CSMD1: variants seen among roughly 807,000 people sequenced by gnomAD.
CSMD1 encodes CUB and sushi domain-containing protein 1.
A neutral mutation model predicts 417.5 loss-of-function variants in CSMD1; 213 were observed. The ratio of observed to expected loss-of-function variants is 0.51; its 90% CI spans 0.46 to 0.57. The LOEUF is 0.57. Among genes scored for constraint, CSMD1 ranks in the 20% least tolerant of loss-of-function variants. The pLI is 0.00. For missense variants in CSMD1, 6,923 were observed against 4,529.7 expected (o/e 1.53, Z -15.17); for synonymous variants, 2,862 against 1,736.8 (o/e 1.65, Z -16.11).
chr8:4,195,295 A>G lies in CSMD1; in HGVS notation c.416-163196T>C, dbSNP rs554095070. 1.5e-4 allele frequency among the ~76,000 whole-genome samples: 23 copies of G among 152,288 alleles called. No homozygotes were observed. The South Asian group carries it at 1.7e-3, about 11-fold the overall frequency. On this transcript the variant is annotated intron_variant, in intron 3 of 69. Coordinates refer to ENST00000635120, the MANE Select transcript of CSMD1 (RefSeq NM_033225.6). ...CTTTCACCCAGGCAGTTCCACAATC[A>G]TAATATTAATAGGCAGAAAAGGCAA...
At chr8:3,735,853 T>A (rs922316494) in intron 6 of CSMD1, among the ~76,000 whole-genome samples, 2 of 152,190 alleles carry the variant, frequency 1.3e-5, no homozygotes, top group African/African-American at 2.4e-5. Flanking sequence ...ATTTCCTAAT[T>A]TATGCCTAGA....
Position 4,994,526 on chromosome 8 carries a change from C to A in CSMD1, c.-110G>T. The A allele has an allele frequency of 9.8e-7, 1 of 1,025,326 alleles. No homozygotes were observed. Among genetic ancestry groups the A allele is most frequent in the Admixed American group, 2.1e-5 (1 of 48,736 alleles). 63.5% of individuals were successfully genotyped at this position (1,025,326 alleles called of 1,614,324 possible). ...GGGCAAGGCGAGCCGGAGAGAGAGC[C>A]CGGTCCCAAGACCCGCCGCGCATCC... On this transcript the variant is annotated 5_prime_UTR_variant, in exon 1 of 70. Transcript: ENST00000635120.
chr8:4,912,800 G>C (rs192609466), intron 1 of CSMD1, among the ~76,000 whole-genome samples: 15 of 151,374 alleles, frequency 9.9e-5, no homozygotes, highest in Admixed American at 9.9e-4. Flanking sequence ...TTTTTTGGAG[G>C]GGGGGCACAG....
intron 3 of CSMD1, among the ~76,000 whole-genome samples, chr8:4,365,438 C>A (rs1048479015): frequency 2.6e-5 from 4 of 152,090 alleles, no homozygotes; most frequent in African/African-American, 9.7e-5. Flanking sequence ...AAATAAAAGA[C>A]AACATTTCTT....
At chr8:4,031,483 C>G (rs1585168016) in intron 4 of CSMD1, among the ~76,000 whole-genome samples, 1 of 152,106 alleles carries the variant, frequency 6.6e-6, no homozygotes. Context: ...ACACTTACCC[C>G]CATGATTCAA....
At chr8:4,955,803 A>T (rs192938978) in intron 1 of CSMD1, among the ~76,000 whole-genome samples, 1 of 82,012 alleles carries the variant, frequency 1.2e-5, no homozygotes, top group African/African-American at 3.5e-5. Context: ...AGTACCTTCA[A>T]ATTGGCCAAC....
chr8:4,102,697 TCTC>T (rs1294299402), intron 3 of CSMD1, among the ~76,000 whole-genome samples: 1 of 152,176 alleles, frequency 6.6e-6, no homozygotes. Context: ...CTGATAATGT[TCTC>T]CTAAAATGTA....
intron 3 of CSMD1, among the ~76,000 whole-genome samples, chr8:4,138,773 G>T (rs978959063): frequency 6.6e-6 from 1 of 152,094 alleles, no homozygotes; most frequent in Admixed American, 6.5e-5. Context: ...TTAATTATCA[G>T]AATACACTAT....
intron 12 of CSMD1, among the ~76,000 whole-genome samples, chr8:3,442,555 G>C (rs1815053128): frequency 6.6e-6 from 1 of 152,178 alleles, no homozygotes; most frequent in Non-Finnish European, 1.5e-5. Flanking sequence ...TGCTGTACAG[G>C]TTTGGAGCCT....
At chr8:4,754,967 T>C (rs1811576692) in intron 1 of CSMD1, among the ~76,000 whole-genome samples, 3 of 151,988 alleles carry the variant, frequency 2.0e-5, no homozygotes, top group Admixed American at 6.6e-5. Context: ...TGAAACCCTG[T>C]CTCTACTAAA....
chr8:3,239,741 T>C (rs1181366359), intron 26 of CSMD1, among the ~76,000 whole-genome samples: 1 of 152,176 alleles, frequency 6.6e-6, no homozygotes, highest in African/African-American at 2.4e-5. Context: ...CGATTAGGCC[T>C]GGTGGAACTG....
At chr8:4,970,053 A>G (rs1285368540) in intron 1 of CSMD1, among the ~76,000 whole-genome samples, 3 of 152,206 alleles carry the variant, frequency 2.0e-5, no homozygotes, top group African/African-American at 4.8e-5. Flanking sequence ...GTCCAATAAT[A>G]GCACACAGAA....
At chr8:2,970,154 C>G (rs751471215) in intron 57 of CSMD1, among the ~76,000 whole-genome samples, 6 of 152,092 alleles carry the variant, frequency 3.9e-5, no homozygotes, top group Non-Finnish European at 7.4e-5. Flanking sequence ...CGCAATTAAG[C>G]TCTCATTCAA....
chr8:3,349,334 G>C lies in CSMD1; in HGVS notation c.3305-1173C>G, dbSNP rs139790961. On this transcript the variant is annotated intron_variant, in intron 21 of 69. Coordinates refer to ENST00000635120, the MANE Select transcript of CSMD1 (RefSeq NM_033225.6). ...CACAATCAGCTACATCACTGGCCAT[G>C]ATATCCTAATCCACTTGCCAGCAGG... 5.9e-3 allele frequency among the ~76,000 whole-genome samples: 900 copies of C among 152,306 alleles called. 7 individuals are homozygous for C. The highest frequency in any genetic ancestry group is 9.4e-3 in the Non-Finnish European group (641 of 68,034).
chr8:4,059,101 C>T (rs1275684131), intron 3 of CSMD1, among the ~76,000 whole-genome samples: 5 of 152,160 alleles, frequency 3.3e-5, no homozygotes, highest in African/African-American at 1.2e-4. Flanking sequence ...TCTCTCAGAC[C>T]ACAGTGCAAT....
At chr8:2,976,107 AT>A (rs1162584248) in intron 55 of CSMD1, among the ~76,000 whole-genome samples, 2 of 152,088 alleles carry the variant, frequency 1.3e-5, no homozygotes, top group East Asian at 3.9e-4. Context: ...AAGGCTGAGA[AT>A]TTTTTTGAAA....
In CSMD1 at chr8:3,169,602, C is replaced by A. The variant is rs572974837; in HGVS notation, c.5726-7325G>T. Among the ~76,000 whole-genome samples the A allele has an allele frequency of 9.9e-4, 151 of 152,154 alleles. 5 individuals carry two copies. The Middle Eastern group carries it at 0.024, about 24-fold the overall frequency. ...TAGAGATTGGCTACAAAACAATGTG[C>A]ATATACTTAATACCACTGAACTGTA... On this transcript the variant is annotated intron_variant, in intron 37 of 69. Transcript: ENST00000635120.
At chr8:3,714,260 A>C (rs1044349051) in intron 6 of CSMD1, among the ~76,000 whole-genome samples, 1 of 150,580 alleles carries the variant, frequency 6.6e-6, no homozygotes, top group Non-Finnish European at 1.5e-5. Context: ...TCTCTAATTT[A>C]ATTTGTCTTA....
intron 3 of CSMD1, among the ~76,000 whole-genome samples, chr8:4,094,849 T>C (rs1407758407): frequency 6.6e-6 from 1 of 152,012 alleles, no homozygotes; most frequent in Non-Finnish European, 1.5e-5. Flanking sequence ...TGAAGCATAG[T>C]TGGTGATGTG....
Sources: gnomAD v4.1 joint callset for allele counts (sites outside exome capture counted in the v4.1 genomes callset) on GRCh38, gnomAD v4.1.1 for gene constraint, MANE v1.5 for transcripts, NCBI Gene and HGNC (gene_info 2026-07-23, HGNC 2026-07-21) for gene names.